EFHC2: variants seen among roughly 807,000 people sequenced by gnomAD.
EFHC2 encodes EF-hand domain-containing family member C2.
In EFHC2, 18 loss-of-function variants were observed where a neutral mutation model predicts 52.7. The observed-to-expected ratio is 0.34, with a 90% CI of 0.24 to 0.51. The LOEUF is 0.51. Ranked by LOEUF, EFHC2 falls within the 20% of genes least tolerant of loss-of-function variation. EFHC2 has a pLI of 0.97. For synonymous variants in EFHC2, 203 were observed against 204.1 expected, an observed-to-expected ratio of 0.99 and a Z score of 0.04; for missense variants, 513 against 562.5, an observed-to-expected ratio of 0.91 and a Z score of 0.89.
At chrX:44,198,668 A>G (rs1003611926) in intron 11 of EFHC2, among the ~76,000 whole-genome samples, 35 of 111,319 alleles carry the variant, frequency 3.1e-4, no homozygotes, top group African/African-American at 1.1e-3. Context: ...TGAACAAGCT[A>G]ATAGGTGGCA....
chrX:44,246,272 T>C (rs1380750918), intron 7 of EFHC2, among the ~76,000 whole-genome samples: 2 of 112,232 alleles, frequency 1.8e-5, no homozygotes, highest in Non-Finnish European at 3.8e-5. Context: ...AGAACACTGA[T>C]TCATTCTCCC....
chrX:44,318,772 A>G (rs887174751), intron 1 of EFHC2, among the ~76,000 whole-genome samples: 2 of 111,129 alleles, frequency 1.8e-5, no homozygotes, highest in African/African-American at 6.6e-5. Flanking sequence ...GCCTTTTTCT[A>G]TGTCCCCTCA....
At chrX:44,210,734 C>G (rs1470448850) in intron 11 of EFHC2, among the ~76,000 whole-genome samples, 1 of 112,388 alleles carries the variant, frequency 8.9e-6, no homozygotes, top group Non-Finnish European at 1.9e-5. Context: ...GAGGAAAATA[C>G]AGTAGAAAAG....
chrX:44,154,410 C>T (rs866007647), intron 14 of EFHC2, among the ~76,000 whole-genome samples: 2 of 111,563 alleles, frequency 1.8e-5, no homozygotes, highest in Non-Finnish European at 3.8e-5. Flanking sequence ...GCATTAAGCT[C>T]TAATCATTAG....
intron 4 of EFHC2, 113 bp from the exon 5 acceptor site, chrX:44,250,558 CT>C: frequency 1.1e-6 from 1 of 892,444 alleles, no homozygotes; most frequent in Non-Finnish European, 1.5e-6. Flanking sequence ...GGCATGGTGG[CT>C]GATGCCTGTA....
At chrX:44,191,630 T>C (rs1044123578) in intron 11 of EFHC2, among the ~76,000 whole-genome samples, 12 of 112,193 alleles carry the variant, frequency 1.1e-4, no homozygotes, top group African/African-American at 3.9e-4. Context: ...TTGGTGATTT[T>C]TTTGTGAACA....
chrX:44,157,740 C>T (rs937144596), intron 14 of EFHC2, among the ~76,000 whole-genome samples: 2 of 69,730 alleles, frequency 2.9e-5, no homozygotes, highest in South Asian at 1.3e-3. Context: ...TGCTCCACCC[C>T]CCTCCCCGCC....
At chrX:44,310,836 T>G (rs1397121811) in intron 2 of EFHC2, among the ~76,000 whole-genome samples, 1 of 111,835 alleles carries the variant, frequency 8.9e-6, no homozygotes, top group East Asian at 2.8e-4. Flanking sequence ...TATTCCAGAT[T>G]CATGAAATAT....
chrX:44,334,795 G>C (rs2038107221), intron 1 of EFHC2, among the ~76,000 whole-genome samples: 1 of 112,123 alleles, frequency 8.9e-6, no homozygotes, highest in Non-Finnish European at 1.9e-5. Flanking sequence ...TTATTATTGA[G>C]TTTTGGGAGT....
At chrX:44,313,557 T>C (rs186349409) in intron 1 of EFHC2, among the ~76,000 whole-genome samples, 6 of 112,056 alleles carry the variant, frequency 5.4e-5, no homozygotes, top group East Asian at 5.6e-4. Context: ...TTTGCAAAAG[T>C]GAAAAATAGG....
chrX:44,159,333 C>A (rs2036632920), intron 14 of EFHC2, among the ~76,000 whole-genome samples: 1 of 112,000 alleles, frequency 8.9e-6, no homozygotes, highest in African/African-American at 3.2e-5. Context: ...AGCACACTTA[C>A]ATGGGTCAGT....
At chrX:44,305,821 T>C (rs2037901606) in intron 2 of EFHC2, among the ~76,000 whole-genome samples, 1 of 112,445 alleles carries the variant, frequency 8.9e-6, no homozygotes, top group Non-Finnish European at 1.9e-5. Flanking sequence ...ACAAGATAGC[T>C]GCTGTGCCCT....
At chrX:44,260,708 A>G (rs2037531743) in intron 4 of EFHC2, among the ~76,000 whole-genome samples, 1 of 112,125 alleles carries the variant, frequency 8.9e-6, no homozygotes, top group Admixed American at 9.4e-5. Flanking sequence ...CTTTCTAGCC[A>G]GAGTTAGACA....
At chrX:44,190,963 C>T (rs1212462912) in intron 11 of EFHC2, among the ~76,000 whole-genome samples, 1 of 111,584 alleles carries the variant, frequency 9.0e-6, no homozygotes, top group Non-Finnish European at 1.9e-5. Context: ...TGACCTTGAA[C>T]TGGAATAAGC....
At chrX:44,336,174 G>C (rs186420910) in intron 1 of EFHC2, among the ~76,000 whole-genome samples, 305 of 110,686 alleles carry the variant, frequency 2.8e-3, no homozygotes, top group African/African-American at 9.5e-3. Context: ...ATCACCTGAG[G>C]TCAGGAGTTC....
chrX:44,275,062 C>A (rs917121031), intron 2 of EFHC2, among the ~76,000 whole-genome samples: 1 of 110,860 alleles, frequency 9.0e-6, no homozygotes, highest in Admixed American at 9.7e-5. Context: ...TTGGCTGTCA[C>A]CCACCTCTAT....
At chrX:44,335,973 A>G (rs1436058623) in intron 1 of EFHC2, among the ~76,000 whole-genome samples, 2 of 112,571 alleles carry the variant, frequency 1.8e-5, no homozygotes, top group African/African-American at 6.4e-5. Flanking sequence ...AAACTCCCCA[A>G]TTAAATATGA....
chrX:44,159,618 T>G (rs111631082), intron 14 of EFHC2, among the ~76,000 whole-genome samples: 1 of 112,606 alleles, frequency 8.9e-6, no homozygotes, highest in Non-Finnish European at 1.9e-5. Context: ...AAAAGAATAG[T>G]CCTTTCTGAA....
chrX:44,220,441 C>T (rs1006884366), intron 11 of EFHC2, among the ~76,000 whole-genome samples: 1 of 111,748 alleles, frequency 8.9e-6, no homozygotes. Context: ...AATGTGACTG[C>T]GAACATTCAA....
Sources: allele counts gnomAD v4.1 joint callset (sites outside exome capture counted in the v4.1 genomes callset), GRCh38; gene constraint gnomAD v4.1.1; transcripts MANE v1.5; gene names NCBI Gene and HGNC (gene_info 2026-07-23, HGNC 2026-07-21).